TSHR: variants seen among roughly 807,000 people sequenced by gnomAD.
The protein encoded by TSHR is thyroid stimulating hormone receptor.
A neutral mutation model predicts 64.1 loss-of-function variants in TSHR; 51 were observed. The ratio of observed to expected loss-of-function variants is 0.80; its 90% CI spans 0.64 to 1.01. The LOEUF is 1.01. Among genes scored for constraint, TSHR ranks in the 50% least tolerant of loss-of-function variants. The probability of loss-of-function intolerance (pLI) is 0.00; values close to 1 mark genes in which losing one functional copy is unlikely to be tolerated. For synonymous variants in TSHR, 361 were observed against 361.9 expected (o/e 1.00, Z 0.03); for missense variants, 877 against 942.8 (o/e 0.93, Z 0.91).
Position 81,099,100 on chromosome 14 carries a change from C to T in TSHR, c.614+2393C>T, listed in dbSNP as rs906820436. 7.2e-5 allele frequency among the ~76,000 whole-genome samples: 11 copies of T among 152,054 alleles called. No homozygotes were observed. In the South Asian group the frequency reaches 1.0e-3, roughly 14 times the overall value. The stretch of plus-strand genomic sequence containing the variant: ...CAAAGCACTAATGCCTAGGTTTTGC[C>T]GTCAGACATTCTGGATGTAGCAGGA... On this transcript the variant is annotated intron_variant, in intron 7 of 9. Transcript: ENST00000298171.
At chr14:81,060,779 C>T (rs1485389692) in intron 1 of TSHR, among the ~76,000 whole-genome samples, 1 of 152,050 alleles carries the variant, frequency 6.6e-6, no homozygotes, top group African/African-American at 2.4e-5. Context: ...GATTAAATGG[C>T]AAAAACAGAC....
At chr14:81,095,627 A>G (rs1889120367) in intron 6 of TSHR, 1 of 152,208 alleles carries the variant, frequency 6.6e-6, no homozygotes, top group South Asian at 2.1e-4. Flanking sequence ...GTCCTAGACC[A>G]ATGTGTTTTT....
At position 81,032,430 on chromosome 14, in the gene TSHR, A is replaced by G. The variant is rs745456973; in HGVS notation, c.171-29718A>G. 1.7e-4 allele frequency: 46 copies of G among 273,760 alleles called. No homozygotes were observed. In the Middle Eastern group the frequency reaches 4.2e-3, roughly 25 times the overall value. 17.0% of individuals were successfully genotyped at this position (273,760 alleles called of 1,614,324 possible). A position where few individuals can be genotyped will look rare whatever the true frequency, so the allele number is the denominator to read the frequency against. On this transcript the variant is annotated intron_variant, in intron 1 of 9. Transcript: ENST00000298171. ...CTGGTCAAAATGGTTCCAATCGCCT[A>G]CCTTGCAAGACACTTCAGGTTCAAA...
intron 1 of TSHR, among the ~76,000 whole-genome samples, chr14:80,987,518 A>G (rs72693081): frequency 0.13 from 20,066 of 152,268 alleles, 1,728 homozygotes; most frequent in East Asian, 0.43. Context: ...AAATTAAAAA[A>G]CAAAACATTT....
At position 81,018,324 on chromosome 14, in the gene TSHR, A is replaced by G. The variant is rs189604307; in HGVS notation, c.171-43824A>G. ...TTCACTTCACTTTGCCAATTATTTC[A>G]TTTGGTATATCTGAGAATTTTAGTT... On this transcript the variant is annotated intron_variant, in intron 1 of 9. Transcript: ENST00000298171. Among the ~76,000 whole-genome samples, 42 of 152,318 alleles carry G rather than the reference A, an allele frequency of 2.8e-4. No homozygotes were observed. In the East Asian group the frequency reaches 7.9e-3, roughly 29 times the overall value.
chr14:80,974,150 G>C (rs1887745363), intron 1 of TSHR, among the ~76,000 whole-genome samples: 1 of 152,196 alleles, frequency 6.6e-6, no homozygotes, highest in Non-Finnish European at 1.5e-5. Flanking sequence ...CTGAGAGCCT[G>C]TCAGATGTGG....
chr14:81,043,739 A>C (rs1185911317), intron 1 of TSHR, among the ~76,000 whole-genome samples: 1 of 152,216 alleles, frequency 6.6e-6, no homozygotes, highest in Non-Finnish European at 1.5e-5. Flanking sequence ...GAACAGACAC[A>C]TAGACCAATG....
chr14:81,027,957 T>G (rs925517045), intron 1 of TSHR, among the ~76,000 whole-genome samples: 2 of 152,144 alleles, frequency 1.3e-5, no homozygotes, highest in African/African-American at 4.8e-5. Context: ...AGACTAAGGC[T>G]GATCTAAGAT....
intron 1 of TSHR, among the ~76,000 whole-genome samples, chr14:81,058,017 C>T (rs1885951395): frequency 6.6e-6 from 1 of 152,244 alleles, no homozygotes; most frequent in African/African-American, 2.4e-5. Flanking sequence ...AAATTTCAGT[C>T]AACTAAGCCT....
chr14:81,052,064 G>C (rs1217987888), intron 1 of TSHR: 2 of 152,020 alleles, frequency 1.3e-5, no homozygotes, highest in African/African-American at 2.4e-5. Flanking sequence ...AATCCCAATT[G>C]TCTAATTTTG....
chr14:81,086,565 C>T (rs1888300290), intron 3 of TSHR, among the ~76,000 whole-genome samples: 1 of 152,062 alleles, frequency 6.6e-6, no homozygotes, highest in African/African-American at 2.4e-5. Flanking sequence ...ACATAAAATC[C>T]CTCATGAATA....
chr14:80,997,519 C>T (rs542282224), intron 1 of TSHR, among the ~76,000 whole-genome samples: 13 of 152,302 alleles, frequency 8.5e-5, no homozygotes, highest in Middle Eastern at 3.4e-3. Context: ...CATCACACTG[C>T]TTTGCCACAT....
chr14:80,991,409 G>T, intron 1 of TSHR: 1 of 384,224 alleles, frequency 2.6e-6, no homozygotes, highest in Non-Finnish European at 4.6e-6. Context: ...ACTCAGGTTT[G>T]TTTTAAAAGA....
intron 1 of TSHR, among the ~76,000 whole-genome samples, chr14:81,006,958 A>G (rs1889638859): frequency 6.6e-6 from 1 of 152,192 alleles, no homozygotes; most frequent in South Asian, 2.1e-4. Context: ...TTGATACATT[A>G]TTATTAACTG....
At chr14:81,121,731 C>T (rs1446938136) in intron 8 of TSHR, among the ~76,000 whole-genome samples, 4 of 151,990 alleles carry the variant, frequency 2.6e-5, no homozygotes, top group Non-Finnish European at 4.4e-5. Context: ...CACTTGAGGT[C>T]GGGAGTTTGA....
intron 3 of TSHR, among the ~76,000 whole-genome samples, chr14:81,072,145 G>A (rs1400013704): frequency 6.6e-6 from 1 of 152,110 alleles, no homozygotes; most frequent in Non-Finnish European, 1.5e-5. Flanking sequence ...TAGCAACAAA[G>A]TTTGTACTTT....
At chr14:81,061,603 T>C (rs1886248889) in intron 1 of TSHR, among the ~76,000 whole-genome samples, 1 of 151,862 alleles carries the variant, frequency 6.6e-6, no homozygotes, top group African/African-American at 2.4e-5. Context: ...TGAGAACTCA[T>C]GGACACAAAG....
intron 3 of TSHR, chr14:81,078,618 A>C (rs1478708033): frequency 6.6e-6 from 1 of 152,232 alleles, no homozygotes; most frequent in Non-Finnish European, 1.5e-5. Flanking sequence ...ATACAATGCC[A>C]GTTCTAGTCC....
chr14:81,101,005 AT>A (rs1337662288), intron 7 of TSHR, among the ~76,000 whole-genome samples: 1 of 152,084 alleles, frequency 6.6e-6, no homozygotes, highest in Non-Finnish European at 1.5e-5. Flanking sequence ...CAACCCTCTA[AT>A]TATTTATTGA....
Sources: gnomAD v4.1 joint callset for allele counts (sites outside exome capture counted in the v4.1 genomes callset) on GRCh38, gnomAD v4.1.1 for gene constraint, MANE v1.5 for transcripts, NCBI Gene and HGNC (gene_info 2026-07-23, HGNC 2026-07-21) for gene names.